Variants in INCENP observed in about 807,000 individuals in gnomAD.
The protein encoded by INCENP is inner centromere protein, also known as binds and activates aurora-B and -C in vivo and in vitro.
INCENP carries 43 observed loss-of-function variants against 107.3 expected under a neutral mutation model. The observed-to-expected ratio is 0.40, with a 90% confidence interval of 0.31 to 0.52. The LOEUF (loss-of-function observed/expected upper bound fraction) is 0.52. Among genes scored for constraint, INCENP ranks in the 20% least tolerant of loss-of-function variants. INCENP has a pLI of 0.53. For synonymous variants in INCENP, 488 were observed against 494.4 expected (o/e 0.99, Z 0.17); for missense variants, 1,089 against 1,250.9 (o/e 0.87, Z 1.95).
In INCENP at chr11:62,151,930, G is replaced by T. The variant is rs771702050; in HGVS notation, c.2711G>T (p.Gly904Val). The change falls in exon 19 of 19, where the codon GGC (glycine) becomes GTC (valine). Residue 904 changes from glycine (G) to valine (V), a missense_variant. Gly to Val is a moderately radical substitution (Grantham distance 109). Transcript: ENST00000394818. ...SAVWNSPPLQ[G>V]ARVPSSLAYS... ...GTCTGGAACTCACCGCCCCTGCAGG[G>T]CGCCAGGGTCCCCAGCAGCCTGGCC... The T allele has an allele frequency of 2.3e-5, 37 of 1,613,048 alleles. No homozygotes were observed. Among genetic ancestry groups the T allele is most frequent in the Non-Finnish European group, 3.0e-5 (35 of 1,180,040 alleles).
At chr11:62,129,706 C>T in intron 3 of INCENP, 76 bp from the exon 4 acceptor site, 2 of 1,196,190 alleles carry the variant, frequency 1.7e-6, no homozygotes, top group Non-Finnish European at 2.3e-6. Flanking sequence ...TCTATCCAAG[C>T]TGGTGGCTCT....
At position 62,130,576 on chromosome 11, in the gene INCENP, C is replaced by G. The variant is rs1053061036; in HGVS notation, c.1049C>G (p.Ser350Cys). ...AAGACTGCCGAAGAGCCAGCTGCCT[C>G]TGGCCGCATCATCTGTGAGTCTGGG... is the stretch of plus-strand genomic sequence containing the variant. ...AKKTAEEPAASGRIICHSYLE... is the reference protein window; with the variant it reads ...AKKTAEEPAACGRIICHSYLE... The change falls in exon 4 of 19, where the codon TCT (serine) becomes TGT (cysteine). Residue 350 changes from serine (S) to cysteine (C), a missense_variant. Coordinates refer to ENST00000394818, the MANE Select transcript of INCENP (RefSeq NM_001040694.2). The G allele has an allele frequency of 1.2e-6, 2 of 1,611,852 alleles. No individual in the cohort carries two copies. The highest frequency in any genetic ancestry group is 1.3e-5 in the African/African-American group (1 of 75,054).
Position 62,142,976 on chromosome 11 carries a change from C to G in INCENP, c.1605+1465C>G, listed in dbSNP as rs189762155. The stretch of plus-strand genomic sequence containing the variant: ...AAGCTGGGGCTTCAGTTACCTTGTT[C>G]TGCTTTGTGTGCTTCTACGACTGTG... On this transcript the variant is annotated intron_variant, in intron 11 of 18. Transcript: ENST00000394818. 1.6e-3 allele frequency among the ~76,000 whole-genome samples: 242 copies of G among 152,004 alleles called. 2 individuals carry two copies. Among genetic ancestry groups the G allele is most frequent in the African/African-American group, 5.5e-3 (229 of 41,502 alleles).
intron 12 of INCENP, 25 bp downstream of exon 12, chr11:62,145,116 G>A: frequency 6.2e-7 from 1 of 1,614,006 alleles, no homozygotes; most frequent in South Asian, 1.1e-5. Flanking sequence ...TTCCTGGACT[G>A]TGGCCCATCC....
intron 4 of INCENP, among the ~76,000 whole-genome samples, chr11:62,136,760 G>A (rs1944003122): frequency 6.6e-6 from 1 of 152,210 alleles, no homozygotes. Context: ...TCCTTCCCGT[G>A]AGTGTGTGGT....
At position 62,150,090 on chromosome 11, in the gene INCENP, C is replaced by A. The variant is rs1322995594; in HGVS notation, c.2425C>A (p.Gln809Lys). 1.9e-6 allele frequency: 3 copies of A among 1,614,038 alleles called. No individual in the cohort carries two copies. The highest frequency in any genetic ancestry group is 2.2e-5 in the East Asian group (1 of 44,864). ...TTGTACCTCATATCAGATGACTCCG[C>A]AAGGGCACAGGGCCCCTCCCAAGAT... ...PACTSYQMTP[Q>K]GHRAPPKINP... The change falls in exon 18 of 19, where the codon CAA becomes AAA. Residue 809 changes from glutamine (Q) to lysine (K), a missense_variant. Gln to Lys is a moderately conservative substitution (Grantham distance 53). Transcript: ENST00000394818.
chr11:62,124,810 G>C (rs1016794401), intron 1 of INCENP, among the ~76,000 whole-genome samples: 2 of 152,214 alleles, frequency 1.3e-5, no homozygotes, highest in African/African-American at 4.8e-5. Context: ...CTGATTTACC[G>C]GCTGATTTTG....
chr11:62,151,063 G>T (rs1309047527), intron 18 of INCENP, among the ~76,000 whole-genome samples: 1 of 152,226 alleles, frequency 6.6e-6, no homozygotes, highest in African/African-American at 2.4e-5. Context: ...CAGCTCGCTT[G>T]CAAAGCCATC....
intron 11 of INCENP, among the ~76,000 whole-genome samples, chr11:62,144,102 C>G (rs1411673644): frequency 6.6e-6 from 1 of 152,216 alleles, no homozygotes; most frequent in Non-Finnish European, 1.5e-5. Context: ...AAGGCCAAGG[C>G]AGGCGGATCC....
chr11:62,146,527 CG>C, intron 14 of INCENP, 130 bp from the exon 15 acceptor site: 1 of 1,364,502 alleles, frequency 7.3e-7, no homozygotes, highest in South Asian at 1.5e-5. Context: ...GGATGTCCCA[CG>C]GCGCCATTCC....
chr11:62,128,145 C>T lies in INCENP; in HGVS notation c.-11-6C>T, dbSNP rs1275855618. 4 of 1,613,920 alleles carry T rather than the reference C, an allele frequency of 2.5e-6. No individual in the cohort carries two copies. Among genetic ancestry groups the T allele is most frequent in the South Asian group, 2.2e-5 (2 of 91,076 alleles). On this transcript the variant is annotated splice_region_variant and splice_polypyrimidine_tract_variant and intron_variant, in intron 1 of 18. Transcript: ENST00000394818. ...AACTTGTGCCTCTTGTCCCTGCCTTCACCAGACAGAGCCACCATGGGGACG... is the reference window on the plus strand; with the variant it reads ...AACTTGTGCCTCTTGTCCCTGCCTTTACCAGACAGAGCCACCATGGGGACG...
chr11:62,152,411 G>T lies in INCENP; in HGVS notation c.*435G>T. 1 of 198,354 alleles carries T rather than the reference G, an allele frequency of 5.0e-6. No individual in the cohort carries two copies. The highest frequency in any genetic ancestry group is 1.0e-5 in the Non-Finnish European group (1 of 97,532). The allele number at this position is 198,354 out of a possible 1,614,324, so 12.3% of individuals were successfully genotyped here. On this transcript the variant is annotated 3_prime_UTR_variant, in exon 19 of 19. Coordinates refer to ENST00000394818, the MANE Select transcript of INCENP (RefSeq NM_001040694.2). ...TTGGGCCACCAGTGGCCTGCAGGAC[G>T]AAGGTACTGTTCCATCACCTGCGGT...
intron 2 of INCENP, among the ~76,000 whole-genome samples, chr11:62,128,518 C>T (rs1274252169): frequency 2.6e-5 from 4 of 152,210 alleles, no homozygotes; most frequent in Admixed American, 6.5e-5. Flanking sequence ...TATTCGCCAT[C>T]GTTGCTGGCT....
Position 62,129,964 on chromosome 11 carries a change from C to A in INCENP, c.437C>A (p.Pro146His), listed in dbSNP as rs771971811. Residue 146 changes from proline (P) to histidine (H), a missense_variant, in exon 4 of 19, where the codon CCT becomes CAT. Physicochemically the swap from Pro to His is moderately conservative, Grantham distance 77. Coordinates refer to ENST00000394818, the MANE Select transcript of INCENP (RefSeq NM_001040694.2). ...MALAAPSSPT[P>H]ESPTMLTKKP... ...TTGGCTGCACCTTCTTCACCCACCCCTGAGTCTCCCACGATGCTGACTAAG... is the reference window on the plus strand; with the variant it reads ...TTGGCTGCACCTTCTTCACCCACCCATGAGTCTCCCACGATGCTGACTAAG... 6.2e-7 allele frequency: 1 copy of A among 1,614,142 alleles called. No individual in the cohort carries two copies. The highest frequency in any genetic ancestry group is 1.1e-5 in the South Asian group (1 of 91,082).
Position 62,150,088 on chromosome 11 carries a change from C to CGCAAGG in INCENP, c.2427_2432dup (p.Gln809_Gly810dup), listed in dbSNP as rs776194137. 3.1e-6 allele frequency: 5 copies of CGCAAGG among 1,613,996 alleles called. No individual in the cohort carries two copies. Among genetic ancestry groups the CGCAAGG allele is most frequent in the Non-Finnish European group, 4.2e-6 (5 of 1,179,982 alleles). On this transcript the variant is annotated inframe_insertion, in exon 18 of 19. Transcript: ENST00000394818. Reference sequence around the variant, plus strand: ...GCTTGTACCTCATATCAGATGACTCCGCAAGGGCACAGGGCCCCTCCCAAG... The same window carrying CGCAAGG: ...GCTTGTACCTCATATCAGATGACTCCGCAAGGGCAAGGGCACAGGGCCCCTCCCAAG...
intron 17 of INCENP, among the ~76,000 whole-genome samples, chr11:62,149,783 G>A (rs1036813481): frequency 2.0e-5 from 3 of 152,200 alleles, no homozygotes; most frequent in African/African-American, 4.8e-5. Flanking sequence ...TTGGCCGGGT[G>A]TGGTGGTGCA....
chr11:62,143,527 G>C (rs985665078), intron 11 of INCENP, among the ~76,000 whole-genome samples: 7 of 152,104 alleles, frequency 4.6e-5, no homozygotes, highest in African/African-American at 1.4e-4. Context: ...GTTTTCAGAG[G>C]CCTCAAGTAG....
chr11:62,137,444 T>A (rs1201403996), intron 4 of INCENP, among the ~76,000 whole-genome samples: 1 of 152,202 alleles, frequency 6.6e-6, no homozygotes, highest in Non-Finnish European at 1.5e-5. Flanking sequence ...CTGGCCCAGG[T>A]CCCAGTACAC....
intron 11 of INCENP, 105 bp from the exon 12 acceptor site, chr11:62,144,877 C>A: frequency 1.0e-6 from 1 of 996,842 alleles, no homozygotes; most frequent in Non-Finnish European, 1.6e-6. Flanking sequence ...TCTGATGCTG[C>A]CACCCACGTG....
Sources: gnomAD v4.1 joint callset for allele counts (sites outside exome capture counted in the v4.1 genomes callset) on GRCh38, gnomAD v4.1.1 for gene constraint, MANE v1.5 for transcripts, NCBI Gene and HGNC (gene_info 2026-07-23, HGNC 2026-07-21) for gene names.